Variants in TNFRSF11A observed in about 807,000 individuals in gnomAD.
TNFRSF11A encodes TNF receptor superfamily member 11a.
In TNFRSF11A, 32 loss-of-function variants were observed where a neutral mutation model predicts 55.7. The observed-to-expected ratio is 0.57, with a 90% confidence interval of 0.43 to 0.77. The LOEUF is 0.77. Ranked by LOEUF, TNFRSF11A falls within the 30% of genes least tolerant of loss-of-function variation. The probability of loss-of-function intolerance (pLI) is 0.00; values close to 1 mark genes in which losing one functional copy is unlikely to be tolerated. For missense variants in TNFRSF11A, 753 were observed against 809.8 expected (o/e 0.93, Z 0.85); for synonymous variants, 311 against 331.0 (o/e 0.94, Z 0.65).
intron 7 of TNFRSF11A, 128 bp downstream of exon 7, chr18:62,361,921 T>G: frequency 2.3e-6 from 2 of 873,720 alleles, no homozygotes; most frequent in South Asian, 2.8e-5. Flanking sequence ...GCAAAACACG[T>G]TTTATCATTC....
At chr18:62,349,171 T>C (rs2046428736) in intron 2 of TNFRSF11A, among the ~76,000 whole-genome samples, 1 of 151,958 alleles carries the variant, frequency 6.6e-6, no homozygotes, top group African/African-American at 2.4e-5. Context: ...TATTCCTTTT[T>C]TTTTTTTTTC....
intron 1 of TNFRSF11A, among the ~76,000 whole-genome samples, chr18:62,335,300 A>G (rs2046216438): frequency 6.6e-6 from 1 of 151,994 alleles, no homozygotes; most frequent in South Asian, 2.1e-4. Context: ...TAGTAGAGAC[A>G]GGGATTTACC....
At chr18:62,344,375 T>C (rs1015868515) in intron 1 of TNFRSF11A, among the ~76,000 whole-genome samples, 14 of 152,200 alleles carry the variant, frequency 9.2e-5, no homozygotes, top group African/African-American at 3.1e-4. Flanking sequence ...AGCCTGTACA[T>C]CTCAACTCAG....
intron 9 of TNFRSF11A, among the ~76,000 whole-genome samples, chr18:62,382,796 ATGTT>A (rs200980336): frequency 1.5e-4 from 22 of 142,886 alleles, no homozygotes; most frequent in East Asian, 9.8e-4. Flanking sequence ...TTTTGTTTGT[ATGTT>A]TGTTTGTTTG....
At chr18:62,357,563 C>T (rs1178634517) in intron 4 of TNFRSF11A, among the ~76,000 whole-genome samples, 1 of 152,206 alleles carries the variant, frequency 6.6e-6, no homozygotes, top group East Asian at 1.9e-4. Context: ...TGCTTTCATG[C>T]TATGAGTAGC....
rs1568485050 is a variant in TNFRSF11A at position 62,359,838 on chromosome 18, A to G, written c.522-117A>G. The G allele has an allele frequency of 4.8e-6, 4 of 838,536 alleles. No individual in the cohort carries two copies. The South Asian group carries it at 5.4e-5, about 11-fold the overall frequency. The allele number at this position is 838,536 out of a possible 1,614,324, so 51.9% of individuals were successfully genotyped here. A position where few individuals can be genotyped will look rare whatever the true frequency, so the allele number is the denominator to read the frequency against. On this transcript the variant is annotated intron_variant, in intron 5 of 9. Coordinates refer to ENST00000586569, the MANE Select transcript of TNFRSF11A (RefSeq NM_003839.4). ...AAGGCACAGGGGATTCAAATGTCCAAGAAGGCGTGGGTTCCTCTCCTGAAG... is the reference window on the plus strand; with the variant it reads ...AAGGCACAGGGGATTCAAATGTCCAGGAAGGCGTGGGTTCCTCTCCTGAAG...
At chr18:62,366,331 A>T (rs543265154) in intron 7 of TNFRSF11A, among the ~76,000 whole-genome samples, 16 of 152,350 alleles carry the variant, frequency 1.1e-4, no homozygotes, top group Non-Finnish European at 1.5e-4. Context: ...ATAGAATAAA[A>T]CAATGGTTAG....
At chr18:62,363,477 T>C (rs1909848021) in intron 7 of TNFRSF11A, among the ~76,000 whole-genome samples, 1 of 149,236 alleles carries the variant, frequency 6.7e-6, no homozygotes, top group South Asian at 2.2e-4. Flanking sequence ...GCAGCGATTC[T>C]CCTCCCTCAG....
In TNFRSF11A at chr18:62,389,048, G is replaced by C. The variant is rs746801071; in HGVS notation, c.*4014G>C. 9.8e-5 allele frequency: 15 copies of C among 152,310 alleles called. No individual in the cohort carries two copies. Among genetic ancestry groups the C allele is most frequent in the Non-Finnish European group, 2.1e-4 (14 of 68,100 alleles). 9.4% of individuals were successfully genotyped at this position (152,310 alleles called of 1,614,324 possible). On this transcript the variant is annotated 3_prime_UTR_variant, in exon 10 of 10. Coordinates refer to ENST00000586569, the MANE Select transcript of TNFRSF11A (RefSeq NM_003839.4). ...CTGTGGGCTGCGCTGGGCACAAGTT[G>C]CATAACCCGCTTTTGGAAGAGGAGA...
rs1337503309 is a variant in TNFRSF11A at position 62,386,384 on chromosome 18, A to G, written c.*1350A>G. 2.6e-5 allele frequency: 4 copies of G among 152,326 alleles called. No homozygotes were observed. The highest frequency in any genetic ancestry group is 3.9e-4 in the East Asian group (2 of 5,186). 9.4% of individuals were successfully genotyped at this position (152,326 alleles called of 1,614,324 possible). ...GAAGTGGAAAACATTCCATTTTCCA[A>G]TGCATTTAAATGTAAAGCCAAATCT... On this transcript the variant is annotated 3_prime_UTR_variant, in exon 10 of 10. Transcript: ENST00000586569.
At chr18:62,328,194 G>A (rs2046101732) in intron 1 of TNFRSF11A, among the ~76,000 whole-genome samples, 1 of 152,072 alleles carries the variant, frequency 6.6e-6, no homozygotes, top group Non-Finnish European at 1.5e-5. Flanking sequence ...AGTACAGAGG[G>A]TGGCAGAGGA....
intron 9 of TNFRSF11A, among the ~76,000 whole-genome samples, chr18:62,374,376 A>G (rs1910752030): frequency 6.6e-6 from 1 of 152,246 alleles, no homozygotes; most frequent in Admixed American, 6.5e-5. Context: ...TAAATGCCTG[A>G]AACAGAACTT....
At chr18:62,331,560 G>A (rs1172317311) in intron 1 of TNFRSF11A, among the ~76,000 whole-genome samples, 2 of 152,164 alleles carry the variant, frequency 1.3e-5, no homozygotes, top group African/African-American at 2.4e-5. Flanking sequence ...GCCAGACCTA[G>A]AGATGTCTTG....
At chr18:62,361,608 C>A in intron 6 of TNFRSF11A, 72 bp from the exon 7 acceptor site, 1 of 1,406,616 alleles carries the variant, frequency 7.1e-7, no homozygotes, top group South Asian at 1.2e-5. Flanking sequence ...TTTGATTTAC[C>A]GGGATTTGTT....
chr18:62,370,444 C>CT (rs1910462270), intron 9 of TNFRSF11A, among the ~76,000 whole-genome samples: 1 of 152,228 alleles, frequency 6.6e-6, no homozygotes, highest in Non-Finnish European at 1.5e-5. Flanking sequence ...TCCAGAGATG[C>CT]TTTTTCTTCT....
At chr18:62,343,580 T>C (rs1324605492) in intron 1 of TNFRSF11A, among the ~76,000 whole-genome samples, 2 of 152,128 alleles carry the variant, frequency 1.3e-5, no homozygotes, top group Admixed American at 1.3e-4. Context: ...TATAAAGGGA[T>C]TTTTTAATTT....
chr18:62,354,239 G>A (rs1909062323), intron 3 of TNFRSF11A, 152 bp from the exon 4 acceptor site: 1 of 937,124 alleles, frequency 1.1e-6, no homozygotes, highest in Non-Finnish European at 1.5e-6. Context: ...GGAGGAACTT[G>A]GGACTTCTCG....
intron 9 of TNFRSF11A, among the ~76,000 whole-genome samples, chr18:62,371,379 A>G (rs1188671125): frequency 6.6e-6 from 1 of 152,218 alleles, no homozygotes; most frequent in Non-Finnish European, 1.5e-5. Flanking sequence ...AGAGAGACAC[A>G]TGGATCTTTT....
chr18:62,335,941 C>T (rs1388447599), intron 1 of TNFRSF11A, among the ~76,000 whole-genome samples: 1 of 152,222 alleles, frequency 6.6e-6, no homozygotes. Flanking sequence ...CACCAGCCAT[C>T]TCAGCAAGTT....
Sources: allele counts gnomAD v4.1 joint callset (sites outside exome capture counted in the v4.1 genomes callset), GRCh38; gene constraint gnomAD v4.1.1; transcripts MANE v1.5; gene names NCBI Gene and HGNC (gene_info 2026-07-23, HGNC 2026-07-21).